The following PPA2 variants were observed in gnomAD, a reference collection of about 807,000 sequenced individuals.
The protein encoded by PPA2 is inorganic pyrophosphatase 2.
In PPA2, 48 loss-of-function variants were observed where a neutral mutation model predicts 49.5. The ratio of observed to expected loss-of-function variants is 0.97; its 90% CI spans 0.77 to 1.23. The LOEUF (loss-of-function observed/expected upper bound fraction) is 1.23. PPA2 is among the 50% of genes most tolerant of loss of function. The pLI, the probability that PPA2 is intolerant of heterozygous loss-of-function variation, is 0.00. For synonymous variants in PPA2, 131 were observed against 139.9 expected, an observed-to-expected ratio of 0.94 and a Z score of 0.45; for missense variants, 429 against 410.1, an observed-to-expected ratio of 1.05 and a Z score of -0.40.
At chr4:105,405,582 G>C in intron 7 of PPA2, 1 of 991,670 alleles carries the variant, frequency 1.0e-6, no homozygotes, top group African/African-American at 1.7e-5. Context: ...CTGAGTTCAA[G>C]CATATTAACC....
At chr4:105,427,407 A>G (rs927997418) in intron 6 of PPA2, among the ~76,000 whole-genome samples, 1 of 152,188 alleles carries the variant, frequency 6.6e-6, no homozygotes, top group African/African-American at 2.4e-5. Context: ...TCTCCGAGCT[A>G]GAGGAGCACG....
At chr4:105,416,434 G>T (rs967063328) in intron 7 of PPA2, among the ~76,000 whole-genome samples, 11 of 152,058 alleles carry the variant, frequency 7.2e-5, no homozygotes, top group Non-Finnish European at 1.6e-4. Flanking sequence ...AAAGAAAAAT[G>T]AAAAAGGAGT....
At chr4:105,392,284 A>C (rs1733955930) in intron 9 of PPA2, among the ~76,000 whole-genome samples, 1 of 152,076 alleles carries the variant, frequency 6.6e-6, no homozygotes, top group Non-Finnish European at 1.5e-5. Context: ...AAAAAAAAAA[A>C]CTTCGGAGAA....
intron 6 of PPA2, among the ~76,000 whole-genome samples, chr4:105,430,058 C>T (rs550657533): frequency 3.5e-4 from 54 of 152,276 alleles, no homozygotes; most frequent in African/African-American, 1.3e-3. Flanking sequence ...GTTTAGTTGG[C>T]TATAGATTTT....
At chr4:105,446,070 G>A (rs1192200581) in intron 5 of PPA2, 7 of 212,276 alleles carry the variant, frequency 3.3e-5, no homozygotes, top group Admixed American at 5.8e-5. Flanking sequence ...AGGAATGACT[G>A]TAGATAAAGC....
At chr4:105,375,583 A>G (rs1733217739) in intron 10 of PPA2, among the ~76,000 whole-genome samples, 2 of 152,094 alleles carry the variant, frequency 1.3e-5, no homozygotes, top group Non-Finnish European at 1.5e-5. Context: ...GTGCCCATAG[A>G]GGGAAGTATT....
intron 9 of PPA2, among the ~76,000 whole-genome samples, chr4:105,392,748 CT>C (rs2110385412): frequency 6.6e-6 from 1 of 151,876 alleles, no homozygotes; most frequent in Admixed American, 6.5e-5. Flanking sequence ...TATTGAGTGG[CT>C]ACTACATGCC....
intron 7 of PPA2, chr4:105,405,931 C>A: frequency 2.3e-6 from 1 of 433,904 alleles, no homozygotes; most frequent in South Asian, 1.6e-5. Context: ...ATTGTATATA[C>A]TGGAATATTT....
Position 105,370,863 on chromosome 4 carries a change from GA to G in PPA2, c.949del (p.Ser317HisfsTer20). 6.8e-7 allele frequency: 1 copy of G among 1,469,588 alleles called. No homozygotes were observed. The highest frequency in any genetic ancestry group is 1.4e-5 in the African/African-American group (1 of 70,440). 91.0% of individuals were successfully genotyped at this position (1,469,588 alleles called of 1,614,324 possible). A position where few individuals can be genotyped will look rare whatever the true frequency, so the allele number is the denominator to read the frequency against. ...TTCTTCATTACTTTCTTTATTTGGTGAAGATGATACCTGGAAATAAAAACAG... is the reference window on the plus strand; with the variant it reads ...TTCTTCATTACTTTCTTTATTTGGTGAGATGATACCTGGAAATAAAAACAG... ...ARSLVESVSS[S>X]PNKESNEEEQ... On this transcript the variant is annotated frameshift_variant, in exon 11 of 12. Transcript: ENST00000341695. LOFTEE classifies it high-confidence loss of function.
intron 10 of PPA2, among the ~76,000 whole-genome samples, chr4:105,386,287 TATAAACAATA>T (rs1014875013): frequency 2.6e-5 from 4 of 152,170 alleles, no homozygotes; most frequent in Non-Finnish European, 5.9e-5. Context: ...AGCATATTTA[TATAAACAATA>T]ATAAACGGAT....
chr4:105,412,838 T>G (rs1722825588), intron 7 of PPA2, among the ~76,000 whole-genome samples: 1 of 152,182 alleles, frequency 6.6e-6, no homozygotes, highest in Non-Finnish European at 1.5e-5. Context: ...AAACAACAGA[T>G]GCTGGAGAGG....
In PPA2 at chr4:105,453,606, C is replaced by A; in HGVS notation, c.259G>T (p.Glu87Ter). The change falls in exon 3 of 12, where the codon GAA becomes TAA. Residue 87 changes from glutamate (E) to a stop codon, truncating the protein, a stop_gained. Transcript: ENST00000341695. LOFTEE classifies it high-confidence loss of function. ...GIPMKKARND[E>*]YENLFNMIVE... ...AAAACCTTTGGATATACCTCATATT[C>A]ATCATTTCGTGCTTTCTTCATAGGA... The A allele has an allele frequency of 6.2e-7, 1 of 1,604,940 alleles. No homozygotes were observed. The highest frequency in any genetic ancestry group is 2.2e-5 in the East Asian group (1 of 44,720).
At chr4:105,388,145 C>T (rs142991420) in intron 9 of PPA2, among the ~76,000 whole-genome samples, 3,035 of 152,054 alleles carry the variant, frequency 0.02, 46 homozygotes, top group Middle Eastern at 0.062. Context: ...TTCAAATAAG[C>T]AACAAACTAT....
chr4:105,444,004 C>A lies in PPA2; in HGVS notation c.441+2379G>T, dbSNP rs370965274. Among the ~76,000 whole-genome samples, 423 of 152,280 alleles carry A rather than the reference C, an allele frequency of 2.8e-3. 2 individuals carry two copies. The highest frequency in any genetic ancestry group is 9.8e-3 in the African/African-American group (407 of 41,554). Reference sequence around the variant, plus strand: ...GCTTAACTTTTCTTTGACATACTTACCACCACCTGACATTTTACTTGGGGT... The same window carrying A: ...GCTTAACTTTTCTTTGACATACTTAACACCACCTGACATTTTACTTGGGGT... On this transcript the variant is annotated intron_variant, in intron 5 of 11. Coordinates refer to ENST00000341695, the MANE Select transcript of PPA2 (RefSeq NM_176869.3).
chr4:105,447,419 T>C (rs1240188159), intron 4 of PPA2, among the ~76,000 whole-genome samples: 3 of 152,178 alleles, frequency 2.0e-5, no homozygotes, highest in South Asian at 4.1e-4. Context: ...AGTCAAAGGA[T>C]ACAAAATCTC....
At chr4:105,409,323 G>C (rs891049206) in intron 7 of PPA2, among the ~76,000 whole-genome samples, 7 of 152,362 alleles carry the variant, frequency 4.6e-5, no homozygotes, top group Non-Finnish European at 5.9e-5. Flanking sequence ...AGATCGGCCT[G>C]TGAGACGGCA....
chr4:105,468,195 G>A (rs541655350), intron 1 of PPA2, among the ~76,000 whole-genome samples: 10 of 152,310 alleles, frequency 6.6e-5, no homozygotes, highest in East Asian at 5.8e-4. Flanking sequence ...TGAATGGTTC[G>A]CAAAACCTAA....
intron 10 of PPA2, among the ~76,000 whole-genome samples, chr4:105,372,589 C>A (rs1733070487): frequency 6.6e-6 from 1 of 152,128 alleles, no homozygotes; most frequent in Admixed American, 6.6e-5. Context: ...TTTAATAGAA[C>A]AAAAAGACTA....
At chr4:105,448,325 T>G (rs1028847193) in intron 4 of PPA2, among the ~76,000 whole-genome samples, 3 of 152,176 alleles carry the variant, frequency 2.0e-5, no homozygotes, top group African/African-American at 7.2e-5. Flanking sequence ...CTGACAATTC[T>G]CTTCCAAATA....
Sources: gnomAD v4.1 joint callset for allele counts (sites outside exome capture counted in the v4.1 genomes callset) on GRCh38, gnomAD v4.1.1 for gene constraint, MANE v1.5 for transcripts, NCBI Gene and HGNC (gene_info 2026-07-23, HGNC 2026-07-21) for gene names.